Variants in RPRD2 observed in about 807,000 individuals in gnomAD.
The protein encoded by RPRD2 is regulation of nuclear pre-mRNA domain-containing protein 2.
A neutral mutation model predicts 104.4 loss-of-function variants in RPRD2; 12 were observed. The observed-to-expected ratio is 0.11, with a 90% confidence interval of 0.07 to 0.19. The LOEUF is 0.19. Among genes scored for constraint, RPRD2 ranks in the 10% least tolerant of loss-of-function variants. RPRD2 has a pLI of 1.00. For missense variants in RPRD2, 1,543 were observed against 1,790.1 expected, an observed-to-expected ratio of 0.86 and a Z score of 2.49; for synonymous variants, 714 against 684.9, an observed-to-expected ratio of 1.04 and a Z score of -0.66.
intron 10 of RPRD2, among the ~76,000 whole-genome samples, chr1:150,466,507 C>T (rs959841040): frequency 2.1e-5 from 3 of 145,730 alleles, no homozygotes; most frequent in Non-Finnish European, 4.5e-5. Flanking sequence ...TGTGGTCACC[C>T]CACTGTACTC....
At position 150,411,442 on chromosome 1, in the gene RPRD2, C is replaced by T. The variant is rs587620593; in HGVS notation, c.206-6154C>T. 1.2e-3 allele frequency among the ~76,000 whole-genome samples: 159 copies of T among 128,186 alleles called. 2 individuals are homozygous for T. Among genetic ancestry groups the T allele is most frequent in the African/African-American group, 5.0e-3 (157 of 31,302 alleles). The allele number at this position is 128,186 out of a possible 152,430, so 84.1% of individuals were successfully genotyped here. A position where few individuals can be genotyped will look rare whatever the true frequency, so the allele number is the denominator to read the frequency against. ...CGCCACTGCACTCTAGCCTGGACAA[C>T]AGAGCTAGACTGTCTCAAAAAAAAA... On this transcript the variant is annotated intron_variant, in intron 1 of 10. Transcript: ENST00000369068.
chr1:150,467,973 A>G (rs1668383840), intron 10 of RPRD2, among the ~76,000 whole-genome samples: 1 of 151,962 alleles, frequency 6.6e-6, no homozygotes, highest in Non-Finnish European at 1.5e-5. Flanking sequence ...AGCCTGGCCA[A>G]CAGGGTAAAC....
chr1:150,465,468 A>T (rs1668204787), intron 10 of RPRD2, among the ~76,000 whole-genome samples: 1 of 152,168 alleles, frequency 6.6e-6, no homozygotes, highest in Admixed American at 6.5e-5. Context: ...GAATTATAAA[A>T]TGTGAAAGCT....
chr1:150,472,294 A>C lies in RPRD2; in HGVS notation c.3346A>C (p.Asn1116His). The C allele has an allele frequency of 6.2e-7, 1 of 1,613,968 alleles. No individual in the cohort carries two copies. Among genetic ancestry groups the C allele is most frequent in the Non-Finnish European group, 8.5e-7 (1 of 1,179,878 alleles). ...VESIRVPGKG[N>H]RGHGREASRV... is the part of the protein sequence containing the mutation. The stretch of plus-strand genomic sequence containing the variant: ...GTCCATCCGAGTTCCTGGGAAGGGA[A>C]ATAGAGGACATGGGCGTGAGGCTTC... Residue 1116 changes from asparagine to histidine, a missense_variant, in exon 11 of 11, where the codon AAT becomes CAT. By Grantham distance (68) the Asn-to-His change is moderately conservative. Around this residue, in one of 4 missense-constraint regions of RPRD2, gnomAD observed 880 missense variants for 885.6 expected, o/e 0.99. Transcript: ENST00000369068.
intron 2 of RPRD2, among the ~76,000 whole-genome samples, chr1:150,427,334 G>A (rs1159828554): frequency 2.6e-5 from 4 of 151,986 alleles, no homozygotes; most frequent in African/African-American, 4.8e-5. Context: ...GTAGCTGAGC[G>A]TGGTAGCGCG....
chr1:150,423,546 A>G (rs1377508410), intron 2 of RPRD2, among the ~76,000 whole-genome samples: 1 of 152,178 alleles, frequency 6.6e-6, no homozygotes, highest in Non-Finnish European at 1.5e-5. Flanking sequence ...TTAAGGGTGT[A>G]TAGAGAATTA....
Position 150,476,123 on chromosome 1 carries a change from C to T in RPRD2, c.*2789C>T, listed in dbSNP as rs1668879816. On this transcript the variant is annotated 3_prime_UTR_variant, in exon 11 of 11. Coordinates refer to ENST00000369068, the MANE Select transcript of RPRD2 (RefSeq NM_015203.5). ...CTCTCTCCCTGCTCCCCTCTACCCT[C>T]TCAAAAGTTGAGAGTAAATAGAATT... 1 of 152,174 alleles carries T rather than the reference C, an allele frequency of 6.6e-6. No individual in the cohort carries two copies. The highest frequency in any genetic ancestry group is 2.4e-5 in the African/African-American group (1 of 41,430). 9.4% of individuals were successfully genotyped at this position (152,174 alleles called of 1,614,324 possible). A position where few individuals can be genotyped will look rare whatever the true frequency, so the allele number is the denominator to read the frequency against.
At chr1:150,441,178 C>G (rs1553894359) in intron 3 of RPRD2, 155 bp downstream of exon 3, 2 of 491,786 alleles carry the variant, frequency 4.1e-6, no homozygotes. Flanking sequence ...AAATCTAGAT[C>G]TGTTTGAATT....
At chr1:150,370,495 CTG>C (rs1386695269) in intron 1 of RPRD2, among the ~76,000 whole-genome samples, 2 of 150,964 alleles carry the variant, frequency 1.3e-5, no homozygotes, top group Non-Finnish European at 2.9e-5. Context: ...ACTAGCCTCT[CTG>C]TAGTAAATTA....
intron 1 of RPRD2, among the ~76,000 whole-genome samples, chr1:150,373,840 A>G (rs61008863): frequency 0.02 from 3,067 of 152,214 alleles, 130 homozygotes; most frequent in African/African-American, 0.071. Context: ...GATCAACTAG[A>G]GAGAGAGTGT....
intron 7 of RPRD2, among the ~76,000 whole-genome samples, chr1:150,456,681 T>C (rs1667549936): frequency 6.6e-6 from 1 of 151,584 alleles, no homozygotes; most frequent in Non-Finnish European, 1.5e-5. Context: ...TCCCAGCACT[T>C]TGGGAGGCCG....
rs1668631179 is a variant in RPRD2, at chr1:150,472,142, C to T, written c.3194C>T (p.Thr1065Ile). 7.4e-6 allele frequency: 12 copies of T among 1,613,866 alleles called. No individual in the cohort carries two copies. The highest frequency in any genetic ancestry group is 1.0e-5 in the Non-Finnish European group (12 of 1,179,878). ...CAAGAAGAGCACTACCGCATAGAAA[C>T]CCGCGTCTCCTCCTCCTGCTTAGAC... ...QQQEEHYRIETRVSSSCLDLP... is the reference protein window; with the variant it reads ...QQQEEHYRIEIRVSSSCLDLP... Residue 1065 changes from threonine (T) to isoleucine (I), a missense_variant, in exon 11 of 11, where the codon ACC becomes ATC. By Grantham distance (89) the Thr-to-Ile change is moderately conservative (BLOSUM62 -1). Coordinates refer to ENST00000369068, the MANE Select transcript of RPRD2 (RefSeq NM_015203.5).
intron 1 of RPRD2, among the ~76,000 whole-genome samples, chr1:150,402,898 G>A (rs1663162102): frequency 1.3e-5 from 2 of 152,014 alleles, no homozygotes; most frequent in Admixed American, 6.6e-5. Context: ...AACCCAGGAG[G>A]CGGAGGTTGC....
intron 7 of RPRD2, among the ~76,000 whole-genome samples, chr1:150,451,085 T>G (rs1553896484): frequency 1.3e-5 from 2 of 152,230 alleles, no homozygotes; most frequent in African/African-American, 4.8e-5. Flanking sequence ...GTTTCTTAGC[T>G]TTCTCCTTGA....
intron 7 of RPRD2, among the ~76,000 whole-genome samples, chr1:150,448,780 C>T (rs1477107202): frequency 2.0e-5 from 3 of 152,110 alleles, no homozygotes; most frequent in African/African-American, 7.2e-5. Context: ...TTTCATTTTC[C>T]GTCCCCAGTT....
chr1:150,385,969 TAA>T (rs1661533326), intron 1 of RPRD2, among the ~76,000 whole-genome samples: 1 of 151,988 alleles, frequency 6.6e-6, no homozygotes, highest in African/African-American at 2.4e-5. Flanking sequence ...CTGAGTTGAG[TAA>T]TAAATCGTAG....
intron 1 of RPRD2, among the ~76,000 whole-genome samples, chr1:150,407,551 G>T (rs1024121567): frequency 2.6e-5 from 4 of 152,146 alleles, no homozygotes; most frequent in Admixed American, 6.5e-5. Flanking sequence ...CTCTCAAAAT[G>T]TAACAGTTTG....
At position 150,470,580 on chromosome 1, in the gene RPRD2, G is replaced by T; in HGVS notation, c.1632G>T (p.Gln544His). 6.2e-7 allele frequency: 1 copy of T among 1,613,664 alleles called. No homozygotes were observed. Among genetic ancestry groups the T allele is most frequent in the African/African-American group, 1.3e-5 (1 of 74,996 alleles). ...PALQGLSSLL[Q>H]SVTGNPVPAS... ...CTACAGGCCTGTCATCTTTACTTCAGAGTGTTACTGGGAACCCAGTTCCAG... is the reference window on the plus strand; with the variant it reads ...CTACAGGCCTGTCATCTTTACTTCATAGTGTTACTGGGAACCCAGTTCCAG... Residue 544 changes from glutamine to histidine, a missense_variant, in exon 11 of 11, where the codon CAG becomes CAT. By Grantham distance (24) the Gln-to-His change is conservative (BLOSUM62 0). Around this residue, in one of 4 missense-constraint regions of RPRD2, gnomAD observed 572 missense variants for 787.3 expected, o/e 0.73. Transcript: ENST00000369068.
intron 5 of RPRD2, among the ~76,000 whole-genome samples, chr1:150,443,961 T>G (rs2102363839): frequency 6.6e-6 from 1 of 152,160 alleles, no homozygotes; most frequent in Middle Eastern, 3.4e-3. Flanking sequence ...GAGCTTGCAG[T>G]GAGCCGAGAT....
Sources: allele counts gnomAD v4.1 joint callset (sites outside exome capture counted in the v4.1 genomes callset), GRCh38; gene constraint gnomAD v4.1.1; regional missense constraint gnomAD v4.1.1; transcripts MANE v1.5; gene names NCBI Gene and HGNC (gene_info 2026-07-23, HGNC 2026-07-21).